ZNF536: variants seen among roughly 807,000 people sequenced by gnomAD.
ZNF536 encodes zinc finger protein 536.
A neutral mutation model predicts 84.5 loss-of-function variants in ZNF536; 13 were observed. The observed-to-expected ratio is 0.15, with a 90% confidence interval of 0.10 to 0.24. The LOEUF is 0.24. ZNF536 is among the 10% of genes least tolerant of loss of function. The pLI is 1.00. For synonymous variants in ZNF536, 811 were observed against 742.5 expected, an observed-to-expected ratio of 1.09 and a Z score of -1.50; for missense variants, 1,536 against 1,747.5, an observed-to-expected ratio of 0.88 and a Z score of 2.16.
At chr19:30,370,962 A>C, upstream of ZNF536, among the ~76,000 whole-genome samples, 1 of 152,248 alleles carries the variant, frequency 6.6e-6, no homozygotes, top group East Asian at 1.9e-4. Flanking sequence ...CGTGTAAAAA[A>C]TCACGTTCAT....
chr19:30,589,517 C>G (rs2047206908), intron 1 of ZNF536, among the ~76,000 whole-genome samples: 1 of 152,212 alleles, frequency 6.6e-6, no homozygotes, highest in South Asian at 2.1e-4. Context: ...TTACCTCCTT[C>G]TACTGGCAGC....
At chr19:30,679,555 C>T (rs568908162) in intron 1 of ZNF536, among the ~76,000 whole-genome samples, 7 of 152,284 alleles carry the variant, frequency 4.6e-5, no homozygotes, top group South Asian at 2.1e-4. Context: ...CCCCTCCCCA[C>T]GACTTCTGGG....
chr19:30,688,568 G>A (rs1011837673), intron 1 of ZNF536, among the ~76,000 whole-genome samples: 2 of 152,072 alleles, frequency 1.3e-5, no homozygotes, highest in African/African-American at 2.4e-5. Flanking sequence ...TATATATTCC[G>A]CGATACACAT....
At chr19:30,266,975 T>G (rs540744010) in intron 1 of ZNF536, among the ~76,000 whole-genome samples, 59 of 152,360 alleles carry the variant, frequency 3.9e-4, no homozygotes, top group African/African-American at 1.4e-3. Flanking sequence ...TATTTGGAAA[T>G]GCATCCTAGT....
intron 1 of ZNF536, among the ~76,000 whole-genome samples, chr19:30,580,360 A>G (rs1475068191): frequency 6.6e-6 from 1 of 152,096 alleles, no homozygotes; most frequent in Non-Finnish European, 1.5e-5. Context: ...CCTGCCCTTG[A>G]TGGATGGGAA....
chr19:30,653,967 G>A (rs988509785), intron 1 of ZNF536, among the ~76,000 whole-genome samples: 19 of 152,202 alleles, frequency 1.2e-4, no homozygotes, highest in African/African-American at 3.9e-4. Context: ...ACTCACCTGC[G>A]TGCTTTAGCT....
upstream of ZNF536, among the ~76,000 whole-genome samples, chr19:30,370,828 T>G (rs557659282): frequency 2.0e-4 from 30 of 152,382 alleles, no homozygotes; most frequent in African/African-American, 6.5e-4. Flanking sequence ...TGGAAGTGTT[T>G]GTTTTTAATA....
At chr19:30,602,799 A>AATCTGGCT (rs2047736387) in intron 1 of ZNF536, among the ~76,000 whole-genome samples, 1 of 152,150 alleles carries the variant, frequency 6.6e-6, no homozygotes, top group Non-Finnish European at 1.5e-5. Context: ...TTCTGCATGG[A>AATCTGGCT]ATCTGGCTGC....
At chr19:30,320,970 A>G (rs775744702) in intron 2 of ZNF536, among the ~76,000 whole-genome samples, 1 of 152,146 alleles carries the variant, frequency 6.6e-6, no homozygotes, top group Non-Finnish European at 1.5e-5. Flanking sequence ...AGCGACAAAC[A>G]CACAGAAATA....
chr19:30,268,736 G>A (rs1258226989), intron 1 of ZNF536, among the ~76,000 whole-genome samples: 2 of 152,202 alleles, frequency 1.3e-5, no homozygotes, highest in African/African-American at 4.8e-5. Context: ...GAAATAAATT[G>A]GAGAATGAAG....
intron 3 of ZNF536, among the ~76,000 whole-genome samples, chr19:30,539,183 G>T (rs2045221103): frequency 1.3e-5 from 2 of 152,102 alleles, no homozygotes; most frequent in Admixed American, 1.3e-4. Flanking sequence ...GATTATGGAG[G>T]CTGAGAAGTC....
chr19:30,381,004 G>A (rs1328589318), intron 1 of ZNF536, among the ~76,000 whole-genome samples: 3 of 152,128 alleles, frequency 2.0e-5, no homozygotes, highest in African/African-American at 7.2e-5. Flanking sequence ...AGCCTCCTGA[G>A]TAGCTGGGAC....
chr19:30,498,847 C>T (rs913771401), intron 2 of ZNF536, among the ~76,000 whole-genome samples: 6 of 151,940 alleles, frequency 3.9e-5, no homozygotes, highest in African/African-American at 1.2e-4. Flanking sequence ...TGCAGTCCTC[C>T]GGGCACTCTA....
intron 1 of ZNF536, among the ~76,000 whole-genome samples, chr19:30,239,378 A>G (rs2023773591): frequency 6.6e-6 from 1 of 152,218 alleles, no homozygotes; most frequent in Admixed American, 6.5e-5. Context: ...AGCTGCTGGT[A>G]GGTAGCAGTG....
At chr19:30,701,443 A>G (rs1309881231) in intron 1 of ZNF536, among the ~76,000 whole-genome samples, 1 of 151,752 alleles carries the variant, frequency 6.6e-6, no homozygotes, top group Non-Finnish European at 1.5e-5. Context: ...ACAGACACAA[A>G]CACACAGAAA....
At chr19:30,579,368 A>G (rs961025161) in intron 1 of ZNF536, among the ~76,000 whole-genome samples, 1 of 152,126 alleles carries the variant, frequency 6.6e-6, no homozygotes. Context: ...GGCTCAACTG[A>G]TCTTCACTGG....
At chr19:30,559,209 C>T (rs542370395), downstream of ZNF536, among the ~76,000 whole-genome samples, 234 of 152,172 alleles carry the variant, frequency 1.5e-3, 2 homozygotes, top group Non-Finnish European at 1.5e-3. Flanking sequence ...TCAGTGCCCA[C>T]GACTGTTGCC....
chr19:30,641,235 CTG>C (rs1211868066), intron 1 of ZNF536, among the ~76,000 whole-genome samples: 2 of 152,162 alleles, frequency 1.3e-5, no homozygotes, highest in African/African-American at 4.8e-5. Flanking sequence ...AGAAATCAAC[CTG>C]TGTTTTCTTG....
chr19:30,227,906 G>A (rs2022713432), upstream of ZNF536, among the ~76,000 whole-genome samples: 1 of 151,980 alleles, frequency 6.6e-6, no homozygotes, highest in Non-Finnish European at 1.5e-5. Flanking sequence ...GGATGGGCGC[G>A]GGAAGCACGC....
Sources: gnomAD v4.1 joint callset for allele counts (sites outside exome capture counted in the v4.1 genomes callset) on GRCh38, gnomAD v4.1.1 for gene constraint, MANE v1.5 for transcripts, NCBI Gene and HGNC (gene_info 2026-07-23, HGNC 2026-07-21) for gene names.